The following SNX24 variants were observed in gnomAD, a reference collection of about 807,000 sequenced individuals.
The protein encoded by SNX24 is sorting nexin 24.
A neutral mutation model predicts 28.7 loss-of-function variants in SNX24; 22 were observed. The observed-to-expected ratio is 0.77, with a 90% CI of 0.55 to 1.10. The LOEUF (loss-of-function observed/expected upper bound fraction) is 1.10, where lower values mean the gene tolerates loss of function less well. Ranked by LOEUF, SNX24 falls within the 50% of genes least tolerant of loss-of-function variation. The pLI is 0.00. For missense variants in SNX24, 221 were observed against 201.1 expected (o/e 1.10, Z -0.60); for synonymous variants, 69 against 71.5 (o/e 0.96, Z 0.18).
intron 2 of SNX24, among the ~76,000 whole-genome samples, chr5:122,944,797 T>G (rs573755185): frequency 1.7e-4 from 26 of 152,304 alleles, no homozygotes; most frequent in African/African-American, 6.0e-4. Context: ...TGGAAAGAAT[T>G]TTTTACTATA....
chr5:122,897,780 A>T (rs1405290585), intron 1 of SNX24, among the ~76,000 whole-genome samples: 1 of 152,178 alleles, frequency 6.6e-6, no homozygotes, highest in South Asian at 2.1e-4. Flanking sequence ...ACTGTTTCCT[A>T]TCTTGTATAA....
intron 1 of SNX24, among the ~76,000 whole-genome samples, chr5:122,869,735 A>G (rs74343646): frequency 1.3e-5 from 2 of 152,204 alleles, no homozygotes; most frequent in South Asian, 4.1e-4. Context: ...TGGAAATCAA[A>G]TCTGCTTTTT....
At chr5:122,960,490 T>G (rs552618387) in intron 3 of SNX24, among the ~76,000 whole-genome samples, 1 of 152,390 alleles carries the variant, frequency 6.6e-6, no homozygotes, top group East Asian at 1.9e-4. Flanking sequence ...ATTTTATTAT[T>G]AAATTTCCTA....
chr5:122,883,843 A>G (rs931848215), intron 1 of SNX24, among the ~76,000 whole-genome samples: 2 of 151,900 alleles, frequency 1.3e-5, no homozygotes, highest in Non-Finnish European at 2.9e-5. Flanking sequence ...TTTGGTGGAG[A>G]TGGGTTCTCA....
chr5:123,013,405 GT>G (rs927169140), downstream of SNX24, among the ~76,000 whole-genome samples: 1 of 152,156 alleles, frequency 6.6e-6, no homozygotes, highest in Non-Finnish European at 1.5e-5. Context: ...TTTTGGCTTT[GT>G]TTTGGTTTTT....
At chr5:122,935,196 C>G (rs374032125) in intron 1 of SNX24, among the ~76,000 whole-genome samples, 1 of 152,138 alleles carries the variant, frequency 6.6e-6, no homozygotes, top group East Asian at 1.9e-4. Flanking sequence ...TACATATCGT[C>G]CTGATTTCAA....
chr5:122,891,054 C>T (rs1378343882), intron 1 of SNX24: 4 of 1,527,364 alleles, frequency 2.6e-6, no homozygotes, highest in Non-Finnish European at 3.5e-6. Context: ...TAGAGCCTTC[C>T]AGACAAAAAT....
At position 123,007,918 on chromosome 5, in the gene SNX24, T is replaced by C. The variant is rs1301583994; in HGVS notation, c.*169T>C. On this transcript the variant is annotated 3_prime_UTR_variant, in exon 7 of 7. Transcript: ENST00000261369. ...AGGGACATTTCCATTAGAATGGTGC[T>C]CTTAAAAATAGAAACTGAACCGGGG... 1 of 1,417,836 alleles carries C rather than the reference T, an allele frequency of 7.1e-7. No homozygotes were observed. Among genetic ancestry groups the C allele is most frequent in the Non-Finnish European group, 9.2e-7 (1 of 1,083,044 alleles). The allele number at this position is 1,417,836 out of a possible 1,614,324, so 87.8% of individuals were successfully genotyped here. A position where few individuals can be genotyped will look rare whatever the true frequency, so the allele number is the denominator to read the frequency against.
At chr5:122,890,193 C>G (rs1168302876) in intron 1 of SNX24, among the ~76,000 whole-genome samples, 1 of 152,138 alleles carries the variant, frequency 6.6e-6, no homozygotes, top group Admixed American at 6.5e-5. Context: ...TGGTATCTGT[C>G]TGCCCCCGAC....
intron 3 of SNX24, among the ~76,000 whole-genome samples, chr5:122,970,894 C>G (rs1760931068): frequency 6.6e-6 from 1 of 152,176 alleles, no homozygotes; most frequent in South Asian, 2.1e-4. Context: ...CCAAGGCACC[C>G]CACAGGCTTA....
intron 1 of SNX24, among the ~76,000 whole-genome samples, chr5:122,923,014 TC>T (rs1758509431): frequency 6.6e-6 from 1 of 152,106 alleles, no homozygotes; most frequent in South Asian, 2.1e-4. Flanking sequence ...ACCTGATCTA[TC>T]TATCTATCTT....
At chr5:123,006,589 C>T (rs968484793) in intron 6 of SNX24, among the ~76,000 whole-genome samples, 3 of 152,264 alleles carry the variant, frequency 2.0e-5, no homozygotes, top group Non-Finnish European at 4.4e-5. Flanking sequence ...CCCTCAGTAG[C>T]TTCCCATTGA....
intron 3 of SNX24, among the ~76,000 whole-genome samples, chr5:122,998,560 C>A (rs35256179): frequency 0.22 from 33,927 of 152,074 alleles, 4,826 homozygotes; most frequent in Non-Finnish European, 0.33. Flanking sequence ...TGTAAAGAAC[C>A]GTAGCAGCCC....
intron 1 of SNX24, among the ~76,000 whole-genome samples, chr5:122,888,177 GATT>G: frequency 6.6e-6 from 1 of 151,954 alleles, no homozygotes; most frequent in East Asian, 1.9e-4. Flanking sequence ...GCATTTTTTT[GATT>G]ATTTGTTGAC....
intron 1 of SNX24, among the ~76,000 whole-genome samples, chr5:122,869,198 G>A (rs776005736): frequency 6.6e-6 from 1 of 152,114 alleles, no homozygotes; most frequent in Non-Finnish European, 1.5e-5. Flanking sequence ...CCAAACTATT[G>A]AGCCTGAGCT....
chr5:122,936,634 G>A, intron 1 of SNX24, 100 bp from the exon 2 acceptor site: 2 of 653,940 alleles, frequency 3.1e-6, no homozygotes, highest in Non-Finnish European at 5.2e-6. Flanking sequence ...ATCAGCTACT[G>A]TAATTAAAGG....
At chr5:122,967,647 A>C (rs1216586797) in intron 3 of SNX24, among the ~76,000 whole-genome samples, 1 of 152,210 alleles carries the variant, frequency 6.6e-6, no homozygotes, top group Non-Finnish European at 1.5e-5. Flanking sequence ...GAAATGTCAG[A>C]CTGCCTGGGG....
rs532594170 is a variant in SNX24, at chr5:122,960,760, C to T, written c.249+14601C>T. Among the ~76,000 whole-genome samples the T allele has an allele frequency of 3.9e-4, 59 of 152,238 alleles. No homozygotes were observed. The South Asian group carries it at 0.012, about 31-fold the overall frequency. ...AGGTTCACTTACCAGAGAAGGGGTT[C>T]CCTCTTGCTCATCTCATCAAAATCA... On this transcript the variant is annotated intron_variant, in intron 3 of 6. Coordinates refer to ENST00000261369, the MANE Select transcript of SNX24 (RefSeq NM_014035.4).
intron 3 of SNX24, among the ~76,000 whole-genome samples, chr5:122,992,423 C>G (rs989945520): frequency 6.6e-6 from 1 of 152,160 alleles, no homozygotes; most frequent in Non-Finnish European, 1.5e-5. Flanking sequence ...CCTAACCTCT[C>G]CAGGTTAGGT....
Sources: gnomAD v4.1 joint callset for allele counts (sites outside exome capture counted in the v4.1 genomes callset) on GRCh38, gnomAD v4.1.1 for gene constraint, MANE v1.5 for transcripts, NCBI Gene and HGNC (gene_info 2026-07-23, HGNC 2026-07-21) for gene names.